CD84: variants seen among roughly 807,000 people sequenced by gnomAD.
CD84 encodes the protein CD84 molecule, also known as SLAM family member 5.
In CD84, 22 loss-of-function variants were observed where a neutral mutation model predicts 33.8. That is an observed-to-expected ratio of 0.65 (90% confidence interval 0.46 to 0.93). The LOEUF (loss-of-function observed/expected upper bound fraction) is 0.93. Among genes scored for constraint, CD84 ranks in the 40% least tolerant of loss-of-function variants. CD84 has a pLI of 0.00. For synonymous variants in CD84, 154 were observed against 145.2 expected (o/e 1.06, Z -0.44); for missense variants, 400 against 397.6 (o/e 1.01, Z -0.05).
intron 1 of CD84, among the ~76,000 whole-genome samples, chr1:160,573,390 G>A (rs953831536): frequency 6.6e-6 from 1 of 152,076 alleles, no homozygotes; most frequent in African/African-American, 2.4e-5. Flanking sequence ...TACCCTTGGA[G>A]TCTGGGGAGC....
chr1:160,568,952 A>T (rs2102192175), intron 1 of CD84, among the ~76,000 whole-genome samples: 1 of 152,292 alleles, frequency 6.6e-6, no homozygotes, highest in Admixed American at 6.5e-5. Context: ...GAAAATAATA[A>T]TTATGCTATT....
At chr1:160,569,105 A>G (rs1356854606) in intron 1 of CD84, among the ~76,000 whole-genome samples, 1 of 152,226 alleles carries the variant, frequency 6.6e-6, no homozygotes, top group East Asian at 1.9e-4. Context: ...CACTTCAACA[A>G]TTGGTACATG....
At chr1:160,558,858 G>T (rs1656770966) in intron 2 of CD84, among the ~76,000 whole-genome samples, 1 of 152,104 alleles carries the variant, frequency 6.6e-6, no homozygotes, top group Non-Finnish European at 1.5e-5. Flanking sequence ...CAGCAGAACA[G>T]ACCAAGTGGA....
intron 6 of CD84, 64 bp from the exon 7 acceptor site, chr1:160,548,385 G>T: frequency 6.4e-7 from 1 of 1,559,564 alleles, no homozygotes; most frequent in Non-Finnish European, 8.8e-7. Context: ...CTCCAGTCCT[G>T]CAAGTTCCCA....
rs555791389 is a variant in CD84 at position 160,549,416 on chromosome 1, A to ACATAAGGCACAGG, written c.921+488_921+500dup. 2.0e-3 allele frequency among the ~76,000 whole-genome samples: 312 copies of ACATAAGGCACAGG among 152,312 alleles called. 2 individuals are homozygous for ACATAAGGCACAGG. In the Middle Eastern group the frequency reaches 0.024, roughly 12 times the overall value. ...AGGGCTTTGCATATGACAGAGAAGG[A>ACATAAGGCACAGG]CATAAGGCACAGGCATAAGGCACAA... On this transcript the variant is annotated intron_variant, in intron 6 of 6. Transcript: ENST00000368054.
chr1:160,562,889 G>GA lies in CD84; in HGVS notation c.388+2514dup, dbSNP rs199618738. ...CAAACGTTTAAGGAAAAAACAAACA[G>GA]AAAAAAAACCACACACAGCCCCATT... On this transcript the variant is annotated intron_variant, in intron 2 of 6. Transcript: ENST00000368054. Among the ~76,000 whole-genome samples the GA allele has an allele frequency of 2.3e-3, 347 of 149,720 alleles. 1 individual carries two copies. Among genetic ancestry groups the GA allele is most frequent in the African/African-American group, 8.0e-3 (328 of 40,814 alleles).
At chr1:160,564,482 T>C (rs1557979128) in intron 2 of CD84, among the ~76,000 whole-genome samples, 1 of 152,234 alleles carries the variant, frequency 6.6e-6, no homozygotes. Context: ...GCAGCTTTAT[T>C]TGTAATAGCC....
chr1:160,573,263 C>A (rs1303049121), intron 1 of CD84, among the ~76,000 whole-genome samples: 2 of 152,108 alleles, frequency 1.3e-5, no homozygotes, highest in African/African-American at 2.4e-5. Flanking sequence ...GCTGGGCAAG[C>A]AAAACTTACT....
chr1:160,576,691 T>C (rs1299479687), intron 1 of CD84, among the ~76,000 whole-genome samples: 1 of 152,218 alleles, frequency 6.6e-6, no homozygotes, highest in Non-Finnish European at 1.5e-5. Context: ...TAAATTCTAC[T>C]TCTTTCACTT....
Position 160,554,025 on chromosome 1 carries a change from G to A in CD84, c.510C>T (p.Pro170=), listed in dbSNP as rs755581611. 8 of 1,614,040 alleles carry A rather than the reference G, an allele frequency of 5.0e-6. No homozygotes were observed. The highest frequency in any genetic ancestry group is 1.3e-5 in the African/African-American group (1 of 74,908). Residue 170 remains proline, a synonymous_variant, in exon 3 of 7, where the codon CCC becomes CCT. Coordinates refer to ENST00000368054, the MANE Select transcript of CD84 (RefSeq NM_003874.4). The stretch of plus-strand genomic sequence containing the variant: ...GAAGGACATTACCCTCTTCTCCCAG[G>A]GGACTCCAATTGTATGTCACATTCT... ...EEKNVTYNWS[P]LGEEGNVLQI... is the part of the protein sequence containing the mutation.
chr1:160,578,328 C>T (rs1453376130), intron 1 of CD84, among the ~76,000 whole-genome samples: 1 of 152,126 alleles, frequency 6.6e-6, no homozygotes, highest in Non-Finnish European at 1.5e-5. Flanking sequence ...AGTACCATTC[C>T]TCATCTACTT....
At position 160,569,606 on chromosome 1, in the gene CD84, C is replaced by G. The variant is rs939239552; in HGVS notation, c.47-3861G>C. Among the ~76,000 whole-genome samples the G allele has an allele frequency of 8.6e-4, 130 of 152,018 alleles. 1 individual carries two copies. The highest frequency in any genetic ancestry group is 3.4e-3 in the Middle Eastern group (1 of 294). ...AATATGAGATAGTGAATAATAAATT[C>G]AAGTGAATGGTAGAAACAGTGATTA... On this transcript the variant is annotated intron_variant, in intron 1 of 6. Coordinates refer to ENST00000368054, the MANE Select transcript of CD84 (RefSeq NM_003874.4).
intron 1 of CD84, among the ~76,000 whole-genome samples, chr1:160,578,319 G>A (rs1449440733): frequency 6.6e-6 from 1 of 152,162 alleles, no homozygotes; most frequent in East Asian, 1.9e-4. Flanking sequence ...GACATCCCTA[G>A]TACCATTCCT....
intron 2 of CD84, among the ~76,000 whole-genome samples, chr1:160,557,859 C>T (rs1299132643): frequency 6.6e-6 from 1 of 152,144 alleles, no homozygotes; most frequent in African/African-American, 2.4e-5. Flanking sequence ...AGGAAGGGTC[C>T]CCTACAACGC....
Position 160,579,378 on chromosome 1 carries a change from G to C in CD84, c.46+14C>G, listed in dbSNP as rs760566873. 1 of 1,613,056 alleles carries C rather than the reference G, an allele frequency of 6.2e-7. No individual in the cohort carries two copies. ...TGGAAAACTAGGAGGCGATCAGCAAGGGTCAGAACTCACAGGTTTGCAGGC... is the reference window on the plus strand; with the variant it reads ...TGGAAAACTAGGAGGCGATCAGCAACGGTCAGAACTCACAGGTTTGCAGGC... On this transcript the variant is annotated intron_variant, in intron 1 of 6. Coordinates refer to ENST00000368054, the MANE Select transcript of CD84 (RefSeq NM_003874.4).
intron 1 of CD84, among the ~76,000 whole-genome samples, chr1:160,573,470 T>G (rs1166930671): frequency 6.6e-6 from 1 of 152,180 alleles, no homozygotes; most frequent in South Asian, 2.1e-4. Context: ...ACTTCCCTAC[T>G]CCAACCACAT....
intron 2 of CD84, among the ~76,000 whole-genome samples, chr1:160,555,688 A>T (rs1434530558): frequency 6.6e-6 from 1 of 152,194 alleles, no homozygotes; most frequent in Non-Finnish European, 1.5e-5. Flanking sequence ...CTCTCAGCAA[A>T]GTTGCTGTGG....
chr1:160,559,718 G>A (rs1214327286), intron 2 of CD84, among the ~76,000 whole-genome samples: 1 of 152,130 alleles, frequency 6.6e-6, no homozygotes, highest in African/African-American at 2.4e-5. Context: ...CCATTTGTAT[G>A]CTGTCTTCAA....
chr1:160,553,986 A>T lies in CD84; in HGVS notation c.549T>A (p.Thr183=), dbSNP rs763677945. 3.1e-6 allele frequency: 5 copies of T among 1,614,158 alleles called. No homozygotes were observed. The highest frequency in any genetic ancestry group is 4.2e-6 in the Non-Finnish European group (5 of 1,180,018). The change falls in exon 3 of 7, where the codon ACT becomes ACA. Residue 183 remains threonine (T), a synonymous_variant. Transcript: ENST00000368054. ...TGTAAGTCAGCTCTTGGTCCTCAGG[A>T]GTCTGGAAGATTTGAAGGACATTAC... The part of the protein sequence containing the change: ...EEGNVLQIFQ[T]PEDQELTYTC...
Sources: gnomAD v4.1 joint callset for allele counts (sites outside exome capture counted in the v4.1 genomes callset) on GRCh38, gnomAD v4.1.1 for gene constraint, MANE v1.5 for transcripts, NCBI Gene and HGNC (gene_info 2026-07-23, HGNC 2026-07-21) for gene names.